The following TMPRSS9 variants were observed in gnomAD, a reference collection of about 807,000 sequenced individuals.
TMPRSS9 encodes the protein transmembrane serine protease 9, also known as transmembrane protease serine 9.
In TMPRSS9, 113 loss-of-function variants were observed where a neutral mutation model predicts 111.4. That is an observed-to-expected ratio of 1.01 (90% CI 0.87 to 1.19). The LOEUF is 1.19. TMPRSS9 is among the 50% of genes most tolerant of loss of function. The pLI is 0.00. For synonymous variants in TMPRSS9, 805 were observed against 659.1 expected (o/e 1.22, Z -3.39); for missense variants, 1,803 against 1,513.1 (o/e 1.19, Z -3.18).
At chr19:2,380,695 A>G (rs1242018367) in intron 1 of TMPRSS9, among the ~76,000 whole-genome samples, 2 of 151,986 alleles carry the variant, frequency 1.3e-5, no homozygotes, top group Non-Finnish European at 2.9e-5. Context: ...TGAGATGCTG[A>G]GCAGAAGGCC....
intron 17 of TMPRSS9, 60 bp downstream of exon 18, chr19:2,425,553 C>G (rs1971601584): frequency 2.7e-6 from 4 of 1,457,608 alleles, no homozygotes; most frequent in Non-Finnish European, 3.6e-6. Context: ...AGGGCGGGTT[C>G]CCGCTGCCAC....
intron 5 of TMPRSS9, among the ~76,000 whole-genome samples, chr19:2,402,317 C>T (rs978943295): frequency 6.6e-6 from 1 of 152,026 alleles, no homozygotes; most frequent in African/African-American, 2.4e-5. Context: ...GGCGTATTGC[C>T]TGTACTCTCA....
chr19:2,410,493 G>GC, intron 9 of TMPRSS9, 99 bp downstream of exon 10: 1 of 1,458,482 alleles, frequency 6.9e-7, no homozygotes. Flanking sequence ...CCCGCTGTGA[G>GC]CCCCCAACGC....
At chr19:2,406,600 G>T (rs1246896546) in intron 7 of TMPRSS9, among the ~76,000 whole-genome samples, 1 of 151,622 alleles carries the variant, frequency 6.6e-6, no homozygotes, top group Admixed American at 6.6e-5. Context: ...CTCCCAAAGT[G>T]CTGGGATTAC....
At chr19:2,386,134 G>C (rs964589888), upstream of TMPRSS9, among the ~76,000 whole-genome samples, 1 of 151,938 alleles carries the variant, frequency 6.6e-6, no homozygotes, top group Non-Finnish European at 1.5e-5. Flanking sequence ...ATTTTCTGTC[G>C]ACATGGGGTC....
At chr19:2,368,803 A>ATTTTTTTTTTTTC in intron 1 of TMPRSS9, among the ~76,000 whole-genome samples, 1 of 26,726 alleles carries the variant, frequency 3.7e-5, no homozygotes, top group Non-Finnish European at 6.3e-5. Context: ...TTTTTTTTTA[A>ATTTTTTTTTTTTC]AGACAGAGTC....
intron 1 of TMPRSS9, among the ~76,000 whole-genome samples, chr19:2,381,585 G>T (rs1970385669): frequency 6.6e-6 from 1 of 150,606 alleles, no homozygotes. Context: ...CACCGCCCCT[G>T]CCTCGCTCCA....
At chr19:2,380,816 T>G (rs1242690436) in intron 1 of TMPRSS9, among the ~76,000 whole-genome samples, 1 of 152,124 alleles carries the variant, frequency 6.6e-6, no homozygotes, top group Non-Finnish European at 1.5e-5. Context: ...AGCTGACTAA[T>G]ACAGTTTCTC....
At chr19:2,404,186 C>T (rs1045060385) in intron 6 of TMPRSS9, among the ~76,000 whole-genome samples, 5 of 151,842 alleles carry the variant, frequency 3.3e-5, no homozygotes, top group African/African-American at 4.8e-5. Flanking sequence ...AAATAAAATG[C>T]TGGAAGAGTA....
chr19:2,368,749 T>C (rs970679763), intron 1 of TMPRSS9, among the ~76,000 whole-genome samples: 4 of 145,498 alleles, frequency 2.7e-5, no homozygotes, highest in African/African-American at 1.0e-4. Flanking sequence ...GTTTGGGATG[T>C]GCCAGGGCAT....
chr19:2,386,428 C>T (rs978916824), upstream of TMPRSS9, among the ~76,000 whole-genome samples: 6 of 151,276 alleles, frequency 4.0e-5, no homozygotes, highest in Non-Finnish European at 5.9e-5. Context: ...TGGCGTGAAC[C>T]TGGGAGGCGG....
chr19:2,390,234 TTTTTTTTTG>T (rs1431420105), intron 1 of TMPRSS9, among the ~76,000 whole-genome samples: 3 of 128,290 alleles, frequency 2.3e-5, no homozygotes, highest in African/African-American at 9.9e-5. Flanking sequence ...CAAAGTAGTT[TTTTTTTTTG>T]TTTTTTTTTT....
chr19:2,393,182 G>T (rs550244148), intron 1 of TMPRSS9, among the ~76,000 whole-genome samples: 7 of 152,182 alleles, frequency 4.6e-5, no homozygotes, highest in Non-Finnish European at 1.0e-4. Context: ...TCACAGTGTA[G>T]AGGATTTGTT....
At chr19:2,402,971 G>A in intron 5 of TMPRSS9, 111 bp from the exon 7 acceptor site, 1 of 771,038 alleles carries the variant, frequency 1.3e-6, no homozygotes, top group South Asian at 1.5e-5. Context: ...GAAAAGGAGA[G>A]AGAGAGTTTC....
Position 2,398,778 on chromosome 19 carries a change from T to G in TMPRSS9, c.271-17T>G. On this transcript the variant is annotated splice_polypyrimidine_tract_variant and intron_variant, in intron 2 of 17. Coordinates refer to ENST00000648592, the Ensembl canonical transcript of TMPRSS9. ...TGCTGTGGGTCTCAACATTTGATAT[T>G]CTTGTTTCTATTGCAGTTTGTAAGT... 7.0e-7 allele frequency: 1 copy of G among 1,419,052 alleles called. No homozygotes were observed. Among genetic ancestry groups the G allele is most frequent in the South Asian group, 1.2e-5 (1 of 82,166 alleles). 87.9% of individuals were successfully genotyped at this position (1,419,052 alleles called of 1,614,324 possible). A position where few individuals can be genotyped will look rare whatever the true frequency, so the allele number is the denominator to read the frequency against.
At chr19:2,403,319 G>A in intron 6 of TMPRSS9, 124 bp downstream of exon 7, 1 of 800,568 alleles carries the variant, frequency 1.2e-6, no homozygotes, top group Non-Finnish European at 2.0e-6. Context: ...TATGGGGGCT[G>A]GGCAGAGAAA....
At chr19:2,398,274 C>T (rs1025467702) in intron 2 of TMPRSS9, among the ~76,000 whole-genome samples, 4 of 150,226 alleles carry the variant, frequency 2.7e-5, no homozygotes, top group East Asian at 4.0e-4. Context: ...CCACCCCAGG[C>T]GACAGAGCAA....
In TMPRSS9 at chr19:2,420,877, T is replaced by C. The variant is rs117935694; in HGVS notation, c.2155-977T>C. 7.5e-3 allele frequency among the ~76,000 whole-genome samples: 1,140 copies of C among 152,280 alleles called. 26 individuals are homozygous for C. In the East Asian group the frequency reaches 0.099, roughly 13 times the overall value. ...TTATACTATTTATTCTCTATATAAATGGGCGATTCACAATAGTTAGCTTTT... is the reference window on the plus strand; with the variant it reads ...TTATACTATTTATTCTCTATATAAACGGGCGATTCACAATAGTTAGCTTTT... On this transcript the variant is annotated intron_variant, in intron 13 of 17. Coordinates refer to ENST00000648592, the Ensembl canonical transcript of TMPRSS9.
chr19:2,390,485 C>T (rs1318592417), intron 1 of TMPRSS9, among the ~76,000 whole-genome samples: 4 of 148,588 alleles, frequency 2.7e-5, no homozygotes, highest in African/African-American at 7.3e-5. Context: ...CCTCATGATC[C>T]GCCCGCCTCA....
Sources: gnomAD v4.1 joint callset for allele counts (sites outside exome capture counted in the v4.1 genomes callset) on GRCh38, gnomAD v4.1.1 for gene constraint, MANE v1.5 for transcripts, NCBI Gene and HGNC (gene_info 2026-07-23, HGNC 2026-07-21) for gene names.